RECQL: variants seen among roughly 807,000 people sequenced by gnomAD.
RECQL encodes RecQ like helicase.
A neutral mutation model predicts 75.8 loss-of-function variants in RECQL; 73 were observed. The ratio of observed to expected loss-of-function variants is 0.96; its 90% CI spans 0.80 to 1.17. RECQL has a LOEUF of 1.17. Among genes scored for constraint, RECQL ranks in the 50% most tolerant of loss-of-function variants. RECQL has a pLI of 0.00. For missense variants in RECQL, 699 were observed against 772.1 expected, an observed-to-expected ratio of 0.91 and a Z score of 1.12; for synonymous variants, 248 against 254.4, an observed-to-expected ratio of 0.97 and a Z score of 0.24.
In RECQL at chr12:21,499,617, T is replaced by C; in HGVS notation, c.-45-2A>G. The C allele has an allele frequency of 6.6e-7, 1 of 1,515,988 alleles. No homozygotes were observed. The highest frequency in any genetic ancestry group is 1.2e-5 in the South Asian group (1 of 84,306). 93.9% of individuals were successfully genotyped at this position (1,515,988 alleles called of 1,614,324 possible). On this transcript the variant is annotated splice_acceptor_variant, in intron 1 of 14. Transcript: ENST00000444129. LOFTEE classifies it low-confidence loss of function (5UTR_SPLICE). ...TTCTAAAATAATCCAAATTTCTTTC[T>C]AAAAATAAAAGCACAACAGTGACAA...
In RECQL at chr12:21,469,008, T is replaced by G. The variant is rs193097438; in HGVS notation, c.*1186A>C. On this transcript the variant is annotated 3_prime_UTR_variant, in exon 15 of 15. Transcript: ENST00000444129. ...TCTTAAGTTATTTATTTCTGTGTTT[T>G]AAACATAAATATGTTTACTTGTGAT... 2.6e-4 allele frequency: 84 copies of G among 329,314 alleles called. No homozygotes were observed. Among genetic ancestry groups the G allele is most frequent in the African/African-American group, 1.6e-3 (76 of 46,310 alleles). 20.4% of individuals were successfully genotyped at this position (329,314 alleles called of 1,614,324 possible). A position where few individuals can be genotyped will look rare whatever the true frequency, so the allele number is the denominator to read the frequency against.
intron 2 of RECQL, among the ~76,000 whole-genome samples, chr12:21,495,815 A>C (rs1943497338): frequency 1.3e-5 from 2 of 152,156 alleles, no homozygotes; most frequent in Non-Finnish European, 2.9e-5. Context: ...AGTCAGTGTA[A>C]GGGCAGGGTT....
At chr12:21,496,777 G>A (rs967136914) in intron 2 of RECQL, among the ~76,000 whole-genome samples, 1 of 152,148 alleles carries the variant, frequency 6.6e-6, no homozygotes, top group Non-Finnish European at 1.5e-5. Flanking sequence ...GAGCCTAATG[G>A]ACTACTTGGA....
At chr12:21,480,675 G>GTTCCTGTGGGCTTGCTTGTC (rs1943176267) in intron 6 of RECQL, among the ~76,000 whole-genome samples, 1 of 152,120 alleles carries the variant, frequency 6.6e-6, no homozygotes. Context: ...GCTTGCTTGT[G>GTTCCTGTGGGCTTGCTTGTC]TTCCTGTGAC....
At chr12:21,496,442 C>T (rs1943510356) in intron 2 of RECQL, among the ~76,000 whole-genome samples, 1 of 152,218 alleles carries the variant, frequency 6.6e-6, no homozygotes. Flanking sequence ...TATTCTCCCA[C>T]CTCAGAGCTA....
chr12:21,474,745 G>T (rs759052945), intron 11 of RECQL, 96 bp downstream of exon 11: 7 of 1,200,566 alleles, frequency 5.8e-6, no homozygotes, highest in Non-Finnish European at 8.4e-6. Flanking sequence ...GCACTTTGGT[G>T]TTCCACCAAT....
At chr12:21,471,251 TA>T in intron 13 of RECQL, 153 bp from the exon 14 acceptor site, 1 of 1,001,384 alleles carries the variant, frequency 1.0e-6, no homozygotes, top group Non-Finnish European at 1.4e-6. Flanking sequence ...TTAAAGAAAA[TA>T]TTTTCGTTAC....
chr12:21,471,758 C>T, intron 12 of RECQL, 111 bp from the exon 13 acceptor site: 1 of 775,376 alleles, frequency 1.3e-6, no homozygotes, highest in East Asian at 2.6e-5. Context: ...TGTGAGCCAC[C>T]CTAAACATTG....
Position 21,475,702 on chromosome 12 carries a change from T to C in RECQL, c.1072A>G (p.Arg358Gly). ...TGAATTTCATTGGCTGACCATTTTC[T>C]ATGAACTGTGGTCTTATCTTCTGGC... The part of the protein sequence containing the change: ...LEPEDKTTVH[R>G]KWSANEIQVV... Residue 358 changes from arginine to glycine, a missense_variant, in exon 9 of 15, where the codon AGA (arginine) becomes GGA (glycine). Coordinates refer to ENST00000444129, the MANE Select transcript of RECQL (RefSeq NM_002907.4). 1 of 1,613,480 alleles carries C rather than the reference T, an allele frequency of 6.2e-7. No individual in the cohort carries two copies. Among genetic ancestry groups the C allele is most frequent in the Non-Finnish European group, 8.5e-7 (1 of 1,179,538 alleles).
At position 21,482,267 on chromosome 12, in the gene RECQL, G is replaced by GT. The variant is rs71444125; in HGVS notation, c.700+1108_700+1109insA. 2.0e-4 allele frequency among the ~76,000 whole-genome samples: 29 copies of GT among 146,604 alleles called. No individual in the cohort carries two copies. In the East Asian group the frequency reaches 4.2e-3, roughly 21 times the overall value. Reference sequence around the variant, plus strand: ...AGTGGTCTTTTCTGCCTTAACAAAAGAAAAAAAAAAAAGATTACTAATGTT... The same window carrying GT: ...AGTGGTCTTTTCTGCCTTAACAAAAGTAAAAAAAAAAAAGATTACTAATGTT... On this transcript the variant is annotated intron_variant, in intron 6 of 14. Transcript: ENST00000444129.
chr12:21,491,406 G>T, intron 3 of RECQL, 113 bp downstream of exon 3: 1 of 980,050 alleles, frequency 1.0e-6, no homozygotes, highest in Non-Finnish European at 1.5e-6. Context: ...TGGAGAAATG[G>T]CCAGTTTCAC....
rs533186118 is a variant in RECQL at position 21,470,933 on chromosome 12, T to A, written c.1797+36A>T. The A allele has an allele frequency of 1.7e-5, 23 of 1,379,362 alleles. No homozygotes were observed. In the East Asian group the frequency reaches 5.3e-4, roughly 32 times the overall value. 85.4% of individuals were successfully genotyped at this position (1,379,362 alleles called of 1,614,324 possible). ...ATCCCATAGGCTTTAATATACTTTT[T>A]AAAATATATAAAACTGAAAATTAAT... On this transcript the variant is annotated intron_variant, in intron 14 of 14. Coordinates refer to ENST00000444129, the MANE Select transcript of RECQL (RefSeq NM_002907.4).
Position 21,490,206 on chromosome 12 carries a change from A to C in RECQL, c.387T>G (p.Cys129Trp). 6.2e-7 allele frequency: 1 copy of C among 1,607,808 alleles called. No homozygotes were observed. Among genetic ancestry groups the C allele is most frequent in the Non-Finnish European group, 8.5e-7 (1 of 1,175,342 alleles). The part of the protein sequence containing the change: ...KSLCYQLPAL[C>W]SDGFTLVICP... Reference sequence around the variant, plus strand: ...AATTTTTTTAGTACATACCATCTGAACATAATGCTGGTAACTGGTAACATA... The same window carrying C: ...AATTTTTTTAGTACATACCATCTGACCATAATGCTGGTAACTGGTAACATA... Residue 129 changes from cysteine (C) to tryptophan (W), a missense_variant, in exon 4 of 15, where the codon TGT becomes TGG. Coordinates refer to ENST00000444129, the MANE Select transcript of RECQL (RefSeq NM_002907.4).
At chr12:21,480,752 T>C (rs191721914) in intron 6 of RECQL, among the ~76,000 whole-genome samples, 2 of 152,254 alleles carry the variant, frequency 1.3e-5, no homozygotes, top group Admixed American at 6.5e-5. Context: ...CTAAATACAG[T>C]TGGCACTTTT....
In RECQL at chr12:21,471,659, C is replaced by T. The variant is rs748208545; in HGVS notation, c.1448-12G>A. ...CTTTCTTTCAAATGCTGTAATAAAA[C>T]AAATATGGTAGCAGGTAATTAGGAT... is the stretch of plus-strand genomic sequence containing the variant. On this transcript the variant is annotated splice_polypyrimidine_tract_variant and intron_variant, in intron 12 of 14. Transcript: ENST00000444129. 24 of 1,592,836 alleles carry T rather than the reference C, an allele frequency of 1.5e-5. No homozygotes were observed. Among genetic ancestry groups the T allele is most frequent in the Admixed American group, 1.3e-4 (8 of 59,744 alleles).
At chr12:21,475,957 C>T (rs1943080320) in intron 8 of RECQL, 133 bp from the exon 9 acceptor site, 2 of 730,426 alleles carry the variant, frequency 2.7e-6, no homozygotes, top group Non-Finnish European at 4.3e-6. Context: ...ATTTCAAGGC[C>T]TTGTGCATAT....
In RECQL at chr12:21,475,740, T is replaced by A. The variant is rs200764372; in HGVS notation, c.1034A>T (p.His345Leu). 55 of 1,613,376 alleles carry A rather than the reference T, an allele frequency of 3.4e-5. No individual in the cohort carries two copies. Among genetic ancestry groups the A allele is most frequent in the African/African-American group, 6.7e-5 (5 of 74,906 alleles). ...CTTATCTTCTGGCTCCAAATTGGCA[T>A]GGTAAGCACCTGCATGAATTCCCAG... ...QNLGIHAGAYHANLEPEDKTT... is the reference protein window; with the variant it reads ...QNLGIHAGAYLANLEPEDKTT... The change falls in exon 9 of 15, where the codon CAT (histidine) becomes CTT (leucine). Residue 345 changes from histidine to leucine, a missense_variant. His to Leu is a moderately conservative substitution (Grantham distance 99, BLOSUM62 -3). Transcript: ENST00000444129.
chr12:21,472,457 A>G (rs1490325482), intron 12 of RECQL, among the ~76,000 whole-genome samples: 2 of 151,596 alleles, frequency 1.3e-5, no homozygotes, highest in East Asian at 1.9e-4. Context: ...GGCACTGTAC[A>G]TTGCTCACTA....
rs1010326134 is a variant in RECQL at position 21,483,266 on chromosome 12, G to C, written c.700+110C>G. On this transcript the variant is annotated intron_variant, in intron 6 of 14. Transcript: ENST00000444129. ...ACATTCTGGATAACGGATATTCAAT[G>C]TGTAACTACTTGAGGATGATTTTAA... 30 of 791,218 alleles carry C rather than the reference G, an allele frequency of 3.8e-5. 1 individual carries two copies. In the South Asian group the frequency reaches 5.0e-4, roughly 13 times the overall value. The allele number at this position is 791,218 out of a possible 1,614,324, so 49.0% of individuals were successfully genotyped here.
Sources: allele counts gnomAD v4.1 joint callset (sites outside exome capture counted in the v4.1 genomes callset), GRCh38; gene constraint gnomAD v4.1.1; transcripts MANE v1.5; gene names NCBI Gene and HGNC (gene_info 2026-07-23, HGNC 2026-07-21).